The following PROM2 variants were observed in gnomAD, a reference collection of about 807,000 sequenced individuals.
The protein encoded by PROM2 is prominin-2.
Under a neutral mutation model 110.2 loss-of-function variants are expected in PROM2, and 90 were observed. The ratio of observed to expected loss-of-function variants is 0.82; its 90% CI spans 0.69 to 0.97. PROM2 has a LOEUF of 0.97. Ranked by LOEUF, PROM2 falls within the 50% of genes least tolerant of loss-of-function variation. The pLI is 0.00. For synonymous variants in PROM2, 470 were observed against 467.8 expected (o/e 1.00, Z -0.06); for missense variants, 1,009 against 1,074.8 (o/e 0.94, Z 0.86).
rs769024446 is a variant in PROM2 at position 95,274,698 on chromosome 2, A to C, written c.113A>C (p.His38Pro). Residue 38 changes from histidine (H) to proline (P), a missense_variant, in exon 1 of 24, where the codon CAC becomes CCC. Physicochemically the swap from His to Pro is moderately conservative, Grantham distance 77 (BLOSUM62 -2). Coordinates refer to ENST00000317620, the MANE Select transcript of PROM2 (RefSeq NM_001165978.3). ...TDCKFLGPAE[H>P]LTFTPAARAR... ...TGCAAGTTCCTTGGCCCGGCAGAGC[A>C]CCTGACATTCACCCCAGCAGCCAGG... 2 of 1,612,606 alleles carry C rather than the reference A, an allele frequency of 1.2e-6. No homozygotes were observed. The highest frequency in any genetic ancestry group is 3.3e-5 in the Admixed American group (2 of 59,968).
chr2:95,282,099 C>A (rs1196212853), intron 13 of PROM2, 43 bp from the exon 14 acceptor site: 1 of 1,607,178 alleles, frequency 6.2e-7, no homozygotes, highest in African/African-American at 1.3e-5. Context: ...AGCCCCCCCG[C>A]CACCCCCAAG....
intron 22 of PROM2, 80 bp from the exon 23 acceptor site, chr2:95,288,853 A>G: frequency 7.1e-7 from 1 of 1,416,560 alleles, no homozygotes; most frequent in African/African-American, 1.4e-5. Flanking sequence ...AGAAACCCTC[A>G]GGGCTCTGGG....
chr2:95,275,438 C>G lies in PROM2; in HGVS notation c.245-23C>G. The G allele has an allele frequency of 1.9e-6, 3 of 1,604,004 alleles. No individual in the cohort carries two copies. Among genetic ancestry groups the G allele is most frequent in the Non-Finnish European group, 2.6e-6 (3 of 1,174,290 alleles). On this transcript the variant is annotated intron_variant, in intron 1 of 23. Transcript: ENST00000317620. This position sits in a 1 kb window ranked among gnomAD's most constrained non-coding sequence, Gnocchi z 4.4. ...GCAGGGCAGTGGCTGTCCCCAAATC[C>G]TCAGCTTGGCTCTTTCCCATAGAGT...
chr2:95,278,535 A>C, intron 8 of PROM2, 186 bp from the exon 9 acceptor site: 1 of 674,056 alleles, frequency 1.5e-6, no homozygotes, highest in South Asian at 1.7e-5. Context: ...GTCCGGGAGG[A>C]GCAACGTTTT....
chr2:95,285,685 A>G lies in PROM2; in HGVS notation c.1922A>G (p.Glu641Gly). ...VKTSMEQLAQ[E>G]LQGLAQAQDN... ...ACCAGCATGGAGCAGCTGGCCCAGG[A>G]GCTGCAAGGACTGGCCCAGGCCCAA... The change falls in exon 16 of 24, where the codon GAG (glutamate) becomes GGG (glycine). Residue 641 changes from glutamate (E) to glycine (G), a missense_variant. Glu to Gly is a moderately conservative substitution (Grantham distance 98, BLOSUM62 -2). Coordinates refer to ENST00000317620, the MANE Select transcript of PROM2 (RefSeq NM_001165978.3). 1 of 1,603,992 alleles carries G rather than the reference A, an allele frequency of 6.2e-7. No homozygotes were observed. The highest frequency in any genetic ancestry group is 1.1e-5 in the South Asian group (1 of 88,976).
intron 20 of PROM2, among the ~76,000 whole-genome samples, chr2:95,287,719 C>A (rs1374363641): frequency 6.6e-6 from 1 of 152,196 alleles, no homozygotes; most frequent in African/African-American, 2.4e-5. Flanking sequence ...TCACACCTGG[C>A]CTGCAGGTCC....
Position 95,277,486 on chromosome 2 carries a change from CAGG to C in PROM2, c.899_901del (p.Glu300del), listed in dbSNP as rs745400339. 25 of 1,612,004 alleles carry C rather than the reference CAGG, an allele frequency of 1.6e-5. No homozygotes were observed. The highest frequency in any genetic ancestry group is 2.1e-5 in the Non-Finnish European group (25 of 1,179,584). On this transcript the variant is annotated inframe_deletion, in exon 7 of 24. Coordinates refer to ENST00000317620, the MANE Select transcript of PROM2 (RefSeq NM_001165978.3). The stretch of plus-strand genomic sequence containing the variant: ...CCGGGACCGCCTCCTTGAGCTGCTG[CAGG>C]AGGCCAGGTGCCAGGGAGATTGTGC...
At position 95,276,591 on chromosome 2, in the gene PROM2, T is replaced by C; in HGVS notation, c.619-3T>C. 1.2e-6 allele frequency: 2 copies of C among 1,613,760 alleles called. No individual in the cohort carries two copies. The highest frequency in any genetic ancestry group is 1.7e-6 in the Non-Finnish European group (2 of 1,179,982). On this transcript the variant is annotated splice_region_variant and splice_polypyrimidine_tract_variant and intron_variant, in intron 4 of 23. Transcript: ENST00000317620. The surrounding 1 kb of genome is among the most constrained non-coding windows in gnomAD (Gnocchi z 4.6). Reference sequence around the variant, plus strand: ...GCAGCCTCAGGGCCTTGTGTTTGCCTAGGAGCTGCAGGCCGTGGCACAGCA... The same window carrying C: ...GCAGCCTCAGGGCCTTGTGTTTGCCCAGGAGCTGCAGGCCGTGGCACAGCA...
At chr2:95,282,977 AC>A (rs1205919609) in intron 14 of PROM2, among the ~76,000 whole-genome samples, 4 of 152,052 alleles carry the variant, frequency 2.6e-5, no homozygotes, top group Non-Finnish European at 5.9e-5. Flanking sequence ...GTTCTGGGAA[AC>A]CCTTCCAACC....
chr2:95,274,919 C>T lies in PROM2; in HGVS notation c.244+90C>T, dbSNP rs56888315. 2.1e-6 allele frequency: 3 copies of T among 1,423,208 alleles called. No individual in the cohort carries two copies. The African/African-American group carries it at 4.3e-5, about 21-fold the overall frequency. The allele number at this position is 1,423,208 out of a possible 1,614,324, so 88.2% of individuals were successfully genotyped here. On this transcript the variant is annotated intron_variant, in intron 1 of 23. Transcript: ENST00000317620. ...CACTCTACCATGGGATGTGCCCAAC[C>T]TACAAGCAGGCACTTGCCATCTTCC...
rs1269320818 is a variant in PROM2, at chr2:95,279,845, G to A, written c.1275G>A (p.Arg425=). 2.3e-5 allele frequency: 33 copies of A among 1,449,304 alleles called. No individual in the cohort carries two copies. Among genetic ancestry groups the A allele is most frequent in the Non-Finnish European group, 2.9e-5 (32 of 1,092,584 alleles). 89.8% of individuals were successfully genotyped at this position (1,449,304 alleles called of 1,614,324 possible). Residue 425 remains arginine (R), a splice_region_variant and synonymous_variant, in exon 11 of 24, where the codon AGG becomes AGA. Coordinates refer to ENST00000317620, the MANE Select transcript of PROM2 (RefSeq NM_001165978.3). ...GACACCCATGTCCTCTCTGTGGCAG[G>A]TGGATCGTGGGCTGCGTGCTGTGCT... The part of the protein sequence containing the change: ...LQEVQRYETY[R]WIVGCVLCSV...
At position 95,287,546 on chromosome 2, in the gene PROM2, C is replaced by G. The variant is rs1399481726; in HGVS notation, c.2244+82C>G. 2.7e-6 allele frequency: 4 copies of G among 1,465,092 alleles called. No homozygotes were observed. The East Asian group carries it at 6.9e-5, about 25-fold the overall frequency. The allele number at this position is 1,465,092 out of a possible 1,614,324, so 90.8% of individuals were successfully genotyped here. A position where few individuals can be genotyped will look rare whatever the true frequency, so the allele number is the denominator to read the frequency against. On this transcript the variant is annotated intron_variant, in intron 20 of 23. Coordinates refer to ENST00000317620, the MANE Select transcript of PROM2 (RefSeq NM_001165978.3). ...ACCCTGCTCTGCCCCGCCCCCGCCCCCGGAGCCCCTTGGGGGTGACCCAGG... is the reference window on the plus strand; with the variant it reads ...ACCCTGCTCTGCCCCGCCCCCGCCCGCGGAGCCCCTTGGGGGTGACCCAGG...
intron 1 of PROM2, 113 bp downstream of exon 1, chr2:95,274,942 T>C: frequency 2.9e-6 from 4 of 1,360,128 alleles, no homozygotes; most frequent in Non-Finnish European, 3.9e-6. Flanking sequence ...CTTGCCATCT[T>C]CCTGGGGTAG....
chr2:95,287,005 G>T (rs1160330007), intron 18 of PROM2, 128 bp from the exon 19 acceptor site: 4 of 1,258,052 alleles, frequency 3.2e-6, no homozygotes, highest in Non-Finnish European at 4.5e-6. Context: ...CAGAGCCTGG[G>T]GGATCACCAC....
In PROM2 at chr2:95,274,662, G is replaced by A. The variant is rs781486966; in HGVS notation, c.77G>A (p.Gly26Glu). The change falls in exon 1 of 24, where the codon GGG becomes GAG. Residue 26 changes from glycine to glutamate, a missense_variant. Physicochemically the swap from Gly to Glu is moderately conservative, Grantham distance 98. Transcript: ENST00000317620. ...CTGGCCCTGAGTCAGCTGGCTGCAG[G>A]GGCCACAGACTGCAAGTTCCTTGGC... Reference protein sequence around the residue: ...LGLALSQLAAGATDCKFLGPA... With the variant: ...LGLALSQLAAEATDCKFLGPA... 6.2e-6 allele frequency: 10 copies of A among 1,611,296 alleles called. No individual in the cohort carries two copies. The highest frequency in any genetic ancestry group is 1.3e-5 in the African/African-American group (1 of 75,034).
Position 95,277,206 on chromosome 2 carries a change from C to T in PROM2, c.772+145C>T, listed in dbSNP as rs1558741683. ...TCGCTGTACCCCAGGATCCAGCCCC[C>T]CTCCCCTGGCTTAATGTGCCCTGGG... On this transcript the variant is annotated intron_variant, in intron 6 of 23. Transcript: ENST00000317620. The T allele has an allele frequency of 6.3e-6, 7 of 1,112,914 alleles. No individual in the cohort carries two copies. The East Asian group carries it at 1.6e-4, about 25-fold the overall frequency. The allele number at this position is 1,112,914 out of a possible 1,614,324, so 68.9% of individuals were successfully genotyped here. A position where few individuals can be genotyped will look rare whatever the true frequency, so the allele number is the denominator to read the frequency against.
rs895653310 is a variant in PROM2 at position 95,275,930 on chromosome 2, G to A, written c.295G>A (p.Val99Met). Residue 99 changes from valine (V) to methionine (M), a missense_variant and splice_region_variant, in exon 3 of 24, where the codon GTG becomes ATG. Physicochemically the swap from Val to Met is conservative, Grantham distance 21 (BLOSUM62 1). Transcript: ENST00000317620. The surrounding 1 kb of genome is among the most constrained non-coding windows in gnomAD (Gnocchi z 4.4). ...NELASVKVNEVVRYEAGYVVC... is the reference protein window; with the variant it reads ...NELASVKVNEMVRYEAGYVVC... ...CCCTCATGCCCTGCTGCCTGCCCAG[G>A]TGGTGCGGTACGAGGCGGGCTACGT... is the stretch of plus-strand genomic sequence containing the variant. 1.9e-6 allele frequency: 3 copies of A among 1,608,860 alleles called. No individual in the cohort carries two copies. Among genetic ancestry groups the A allele is most frequent in the Admixed American group, 3.4e-5 (2 of 59,342 alleles).
Position 95,276,921 on chromosome 2 carries a change from G to A in PROM2, c.683-51G>A, listed in dbSNP as rs1283773518. The A allele has an allele frequency of 1.3e-6, 2 of 1,528,714 alleles. No individual in the cohort carries two copies. The highest frequency in any genetic ancestry group is 1.2e-5 in the South Asian group (1 of 83,616). The allele number at this position is 1,528,714 out of a possible 1,614,324, so 94.7% of individuals were successfully genotyped here. A position where few individuals can be genotyped will look rare whatever the true frequency, so the allele number is the denominator to read the frequency against. The stretch of plus-strand genomic sequence containing the variant: ...GGGGAGGCAGGATGGGAATGGGGAG[G>A]GCCCCTCCACTCTTGGGGTCCCACC... On this transcript the variant is annotated intron_variant, in intron 5 of 23. Transcript: ENST00000317620. This position sits in a 1 kb window ranked among gnomAD's most constrained non-coding sequence, Gnocchi z 4.6.
chr2:95,282,097 C>A, intron 13 of PROM2, 45 bp from the exon 14 acceptor site: 1 of 1,607,284 alleles, frequency 6.2e-7, no homozygotes, highest in South Asian at 1.1e-5. Context: ...TCAGCCCCCC[C>A]GCCACCCCCA....
Sources: allele counts gnomAD v4.1 joint callset (sites outside exome capture counted in the v4.1 genomes callset), GRCh38; gene constraint gnomAD v4.1.1; non-coding constraint Gnocchi (gnomAD v3.1); transcripts MANE v1.5; gene names NCBI Gene and HGNC (gene_info 2026-07-23, HGNC 2026-07-21).